The following TSPEAR variants were observed in gnomAD, a reference collection of about 807,000 sequenced individuals.
The protein encoded by TSPEAR is thrombospondin type laminin G domain and EAR repeats, also known as thrombospondin-type laminin G domain and EAR repeat-containing protein.
Under a neutral mutation model 71.6 loss-of-function variants are expected in TSPEAR, and 69 were observed. The ratio of observed to expected loss-of-function variants is 0.96; its 90% CI spans 0.79 to 1.18. The LOEUF is 1.18. Among genes scored for constraint, TSPEAR ranks in the 50% most tolerant of loss-of-function variants. The pLI is 0.00. For synonymous variants in TSPEAR, 402 were observed against 387.2 expected (o/e 1.04, Z -0.45); for missense variants, 971 against 894.9 (o/e 1.09, Z -1.09).
At chr21:44,601,456 G>A (rs781866660) in intron 1 of TSPEAR, 17 of 1,610,388 alleles carry the variant, frequency 1.1e-5, no homozygotes, top group Admixed American at 1.7e-5. Context: ...CTGTGTGCCC[G>A]TCTGCTCTGG....
chr21:44,547,682 T>C (rs2053323554), intron 2 of TSPEAR, among the ~76,000 whole-genome samples: 2 of 152,216 alleles, frequency 1.3e-5, no homozygotes, highest in Admixed American at 1.3e-4. Context: ...CAAAAAATTG[T>C]TTTTCTTCAG....
intron 1 of TSPEAR, chr21:44,574,446 G>T: frequency 6.2e-7 from 1 of 1,601,362 alleles, no homozygotes; most frequent in Non-Finnish European, 8.5e-7. Context: ...GGCCTGCTGC[G>T]TGCCCGTCTG....
chr21:44,531,098 A>G lies in TSPEAR; in HGVS notation c.578T>C (p.Val193Ala). ...ADVPFPATLS[V>A]KGARFFVGSR... ...GCCGACGAAGAATCGAGCTCCTTTC[A>G]CTGACAGGGTGGCTGGGAAGGGCAC... Residue 193 changes from valine to alanine, a missense_variant, in exon 4 of 12, where the codon GTG (valine) becomes GCG (alanine). By Grantham distance (64) the Val-to-Ala change is moderately conservative. Coordinates refer to ENST00000323084, the MANE Select transcript of TSPEAR (RefSeq NM_144991.3). The G allele has an allele frequency of 6.2e-7, 1 of 1,613,594 alleles. No homozygotes were observed. Among genetic ancestry groups the G allele is most frequent in the South Asian group, 1.1e-5 (1 of 91,036 alleles).
rs985612843 is a variant in TSPEAR, at chr21:44,527,640, G to A, written c.923-122C>T. On this transcript the variant is annotated intron_variant, in intron 6 of 11. Coordinates refer to ENST00000323084, the MANE Select transcript of TSPEAR (RefSeq NM_144991.3). ...GCCACGACTCCTGCGCCTCAGCCTCGGGCATCAGTTTCCACGTTTCGCTCT... is the reference window on the plus strand; with the variant it reads ...GCCACGACTCCTGCGCCTCAGCCTCAGGCATCAGTTTCCACGTTTCGCTCT... The A allele has an allele frequency of 7.9e-5, 71 of 900,146 alleles. No homozygotes were observed. The South Asian group carries it at 8.4e-4, about 11-fold the overall frequency. The allele number at this position is 900,146 out of a possible 1,614,324, so 55.8% of individuals were successfully genotyped here.
In TSPEAR at chr21:44,518,793, T is replaced by C. The variant is rs1555913878; in HGVS notation, c.1566+3090A>G. 1.4e-5 allele frequency: 6 copies of C among 434,630 alleles called. No homozygotes were observed. In the East Asian group the frequency reaches 2.9e-4, roughly 21 times the overall value. The allele number at this position is 434,630 out of a possible 1,614,324, so 26.9% of individuals were successfully genotyped here. On this transcript the variant is annotated intron_variant, in intron 9 of 11. Transcript: ENST00000323084. ...AACGTTTCAAATCCCTTCCTGGTTC[T>C]GGCAAAGCTCCTCAAACATGCTCCA...
intron 1 of TSPEAR, among the ~76,000 whole-genome samples, chr21:44,603,110 G>A (rs1187199044): frequency 1.3e-5 from 2 of 152,200 alleles, no homozygotes; most frequent in East Asian, 3.9e-4. Context: ...GGTTTCATGA[G>A]GAGCAGAGCC....
At chr21:44,643,109 A>G (rs587670778) in intron 1 of TSPEAR, among the ~76,000 whole-genome samples, 1 of 152,354 alleles carries the variant, frequency 6.6e-6, no homozygotes, top group African/African-American at 2.4e-5. Flanking sequence ...GTCATCTGTG[A>G]CAACATGGAT....
chr21:44,703,155 G>T (rs1481624290), intron 1 of TSPEAR, among the ~76,000 whole-genome samples: 1 of 152,246 alleles, frequency 6.6e-6, no homozygotes, highest in East Asian at 1.9e-4. Context: ...CTGCCTCTGC[G>T]TGCTCCTCTC....
chr21:44,574,327 T>C lies in TSPEAR; in HGVS notation c.83-6322A>G, dbSNP rs781948316. 6.3e-6 allele frequency: 10 copies of C among 1,593,374 alleles called. No individual in the cohort carries two copies. Among genetic ancestry groups the C allele is most frequent in the Admixed American group, 3.5e-5 (2 of 57,902 alleles). On this transcript the variant is annotated intron_variant, in intron 1 of 11. Coordinates refer to ENST00000323084, the MANE Select transcript of TSPEAR (RefSeq NM_144991.3). ...GTGTCCAGCCCCTGCTGCCAGGCGGTCTGTGAGCCCAGCCCCTGCCAATCA... is the reference window on the plus strand; with the variant it reads ...GTGTCCAGCCCCTGCTGCCAGGCGGCCTGTGAGCCCAGCCCCTGCCAATCA...
At chr21:44,538,311 C>A (rs1184689697) in intron 2 of TSPEAR, among the ~76,000 whole-genome samples, 2 of 152,104 alleles carry the variant, frequency 1.3e-5, no homozygotes, top group African/African-American at 4.8e-5. Context: ...GCTCATGCTC[C>A]CCGCGTGGAC....
Position 44,711,367 on chromosome 21 carries a change from G to T in TSPEAR, c.82+66C>A. On this transcript the variant is annotated intron_variant, in intron 1 of 11. Transcript: ENST00000323084. The surrounding 1 kb of genome is among the most constrained non-coding windows in gnomAD (Gnocchi z 4.5). ...ATCAGTGTTAGAAAGTGGCATTTGTGACTCGACACCCCTCCCAGCTCCCCG... is the reference window on the plus strand; with the variant it reads ...ATCAGTGTTAGAAAGTGGCATTTGTTACTCGACACCCCTCCCAGCTCCCCG... The T allele has an allele frequency of 3.5e-6, 5 of 1,439,964 alleles. No individual in the cohort carries two copies. The highest frequency in any genetic ancestry group is 2.5e-5 in the South Asian group (2 of 79,072). The allele number at this position is 1,439,964 out of a possible 1,614,324, so 89.2% of individuals were successfully genotyped here. A position where few individuals can be genotyped will look rare whatever the true frequency, so the allele number is the denominator to read the frequency against.
chr21:44,612,516 C>G lies in TSPEAR; in HGVS notation c.83-44511G>C. On this transcript the variant is annotated intron_variant, in intron 1 of 11. Transcript: ENST00000323084. This position sits in a 1 kb window ranked among gnomAD's most constrained non-coding sequence, Gnocchi z 4.1. ...CCCGTGTGCTGCGTGTCCATCTGCT[C>G]TGGAGCTTCCTCCCCATGCTGCCAG... The G allele has an allele frequency of 6.2e-7, 1 of 1,609,634 alleles. No individual in the cohort carries two copies. Among genetic ancestry groups the G allele is most frequent in the South Asian group, 1.1e-5 (1 of 90,992 alleles).
chr21:44,566,873 A>G (rs1555921796), intron 2 of TSPEAR, among the ~76,000 whole-genome samples: 1 of 152,204 alleles, frequency 6.6e-6, no homozygotes, highest in Non-Finnish European at 1.5e-5. Context: ...TGGATTGAAG[A>G]CTCACATGTA....
intron 9 of TSPEAR, among the ~76,000 whole-genome samples, chr21:44,513,760 A>T (rs1555913014): frequency 3.9e-5 from 6 of 152,098 alleles, no homozygotes. Context: ...GTGGTCTGGG[A>T]ATGCCAGGGG....
rs782716552 is a variant in TSPEAR at position 44,530,058 on chromosome 21, G to A, written c.634-104C>T. 7.1e-5 allele frequency: 87 copies of A among 1,233,694 alleles called. 1 individual carries two copies. Among genetic ancestry groups the A allele is most frequent in the Non-Finnish European group, 8.5e-5 (78 of 916,558 alleles). The allele number at this position is 1,233,694 out of a possible 1,614,324, so 76.4% of individuals were successfully genotyped here. A position where few individuals can be genotyped will look rare whatever the true frequency, so the allele number is the denominator to read the frequency against. On this transcript the variant is annotated intron_variant, in intron 4 of 11. Transcript: ENST00000323084. ...CCATCCAGAGCCCGGAGGAGGCTCG[G>A]GTGGATGGAATCTAAGCTTTTGCAG...
At chr21:44,707,459 G>A (rs1987991714) in intron 1 of TSPEAR, among the ~76,000 whole-genome samples, 2 of 152,332 alleles carry the variant, frequency 1.3e-5, no homozygotes, top group Admixed American at 6.5e-5. Flanking sequence ...CCTCGTGTGC[G>A]GCTCGTTATC....
intron 1 of TSPEAR, among the ~76,000 whole-genome samples, chr21:44,571,079 T>C (rs1049652806): frequency 2.0e-5 from 3 of 152,186 alleles, no homozygotes; most frequent in African/African-American, 7.2e-5. Context: ...TTTCAGAAGA[T>C]AGAATAGGAG....
intron 1 of TSPEAR, chr21:44,579,632 T>TG (rs1177602025): frequency 8.6e-7 from 1 of 1,156,844 alleles, no homozygotes. Context: ...CCTGGGAGTA[T>TG]GGAGGGGGGG....
intron 1 of TSPEAR, chr21:44,611,933 C>T (rs1981701590): frequency 1.4e-6 from 1 of 697,524 alleles, no homozygotes; most frequent in Admixed American, 2.7e-5. Context: ...AGCAAGTAAA[C>T]TAATTAGGGT....
Sources: gnomAD v4.1 joint callset for allele counts (sites outside exome capture counted in the v4.1 genomes callset) on GRCh38, gnomAD v4.1.1 for gene constraint, Gnocchi (gnomAD v3.1) non-coding constraint, MANE v1.5 for transcripts, NCBI Gene and HGNC (gene_info 2026-07-23, HGNC 2026-07-21) for gene names.